Variants in MARCHF3 observed in about 807,000 individuals in gnomAD.
The protein encoded by MARCHF3 is E3 ubiquitin-protein ligase MARCHF3.
A neutral mutation model predicts 24.2 loss-of-function variants in MARCHF3; 13 were observed. That is an observed-to-expected ratio of 0.54 (90% CI 0.35 to 0.85). MARCHF3 has a LOEUF of 0.85. MARCHF3 is among the 40% of genes least tolerant of loss of function. The pLI is 0.01. For synonymous variants in MARCHF3, 144 were observed against 137.3 expected, an observed-to-expected ratio of 1.05 and a Z score of -0.34; for missense variants, 276 against 325.0, an observed-to-expected ratio of 0.85 and a Z score of 1.16.
intron 1 of MARCHF3, among the ~76,000 whole-genome samples, chr5:127,017,052 T>G (rs1266539772): frequency 1.3e-5 from 2 of 151,806 alleles, no homozygotes; most frequent in Non-Finnish European, 2.9e-5. Flanking sequence ...CTCTTAGGTG[T>G]GAATTGAACA....
chr5:126,932,753 G>A (rs531483582), intron 1 of MARCHF3, among the ~76,000 whole-genome samples: 4 of 152,294 alleles, frequency 2.6e-5, no homozygotes, highest in Non-Finnish European at 4.4e-5. Context: ...TGGGGAGCTA[G>A]GTGGGCCACT....
At chr5:126,920,617 G>A (rs889911015) in intron 1 of MARCHF3, among the ~76,000 whole-genome samples, 2 of 152,100 alleles carry the variant, frequency 1.3e-5, no homozygotes, top group Non-Finnish European at 2.9e-5. Flanking sequence ...ACTGGAAGAC[G>A]GTAAGGAGGG....
chr5:126,935,746 G>A (rs1749625818), intron 1 of MARCHF3, among the ~76,000 whole-genome samples: 1 of 151,458 alleles, frequency 6.6e-6, no homozygotes, highest in South Asian at 2.1e-4. Flanking sequence ...AAGTTGGTGG[G>A]ATTACAGGCG....
intron 1 of MARCHF3, among the ~76,000 whole-genome samples, chr5:126,991,781 C>T (rs1430762730): frequency 6.6e-6 from 1 of 152,054 alleles, no homozygotes; most frequent in Non-Finnish European, 1.5e-5. Context: ...TTTTCTTCCC[C>T]CCACTTCCAT....
chr5:126,936,577 G>C (rs1023066706), intron 1 of MARCHF3, among the ~76,000 whole-genome samples: 1 of 152,108 alleles, frequency 6.6e-6, no homozygotes, highest in Non-Finnish European at 1.5e-5. Flanking sequence ...TAGTGGTTCT[G>C]GGTAGCAAGT....
At chr5:127,009,397 A>G (rs1363142481) in intron 1 of MARCHF3, among the ~76,000 whole-genome samples, 4 of 152,248 alleles carry the variant, frequency 2.6e-5, no homozygotes, top group African/African-American at 9.6e-5. Flanking sequence ...GATTCCACCC[A>G]TATTCTCTAT....
At chr5:126,995,198 C>T (rs1662316282) in intron 1 of MARCHF3, among the ~76,000 whole-genome samples, 2 of 152,240 alleles carry the variant, frequency 1.3e-5, no homozygotes, top group African/African-American at 4.8e-5. Context: ...AACCACTACT[C>T]TTGGTCTGGT....
At position 126,949,575 on chromosome 5, in the gene MARCHF3, T is replaced by A. The variant is rs138543249; in HGVS notation, c.-56-31348A>T. On this transcript the variant is annotated intron_variant, in intron 1 of 4. Coordinates refer to ENST00000308660, the MANE Select transcript of MARCHF3 (RefSeq NM_178450.5). The stretch of plus-strand genomic sequence containing the variant: ...CTCTCTCCCTTCCAGCAACCCTTCA[T>A]CTGAGACCCAGCCCTTGACAAAGTG... Among the ~76,000 whole-genome samples, 143 of 152,260 alleles carry A rather than the reference T, an allele frequency of 9.4e-4. 1 individual carries two copies. The highest frequency in any genetic ancestry group is 3.2e-3 in the African/African-American group (134 of 41,560).
chr5:127,003,377 A>G (rs896928575), intron 1 of MARCHF3, among the ~76,000 whole-genome samples: 1 of 151,804 alleles, frequency 6.6e-6, no homozygotes, highest in Non-Finnish European at 1.5e-5. Context: ...CTGAGGCAGG[A>G]GAAAGGCGTG....
chr5:126,869,598 T>TTTTTTG lies in MARCHF3; in HGVS notation c.*1034_*1035insCAAAAA, dbSNP rs1752895138. ...TAGGACAGGCTTTTTTTTTTTTTTT[T>TTTTTTG]TTTTTTGCCACATCTACCTGTCAAG... On this transcript the variant is annotated 3_prime_UTR_variant, in exon 5 of 5. Coordinates refer to ENST00000308660, the MANE Select transcript of MARCHF3 (RefSeq NM_178450.5). 6.8e-6 allele frequency: 1 copy of TTTTTTG among 146,778 alleles called. No individual in the cohort carries two copies. Among genetic ancestry groups the TTTTTTG allele is most frequent in the African/African-American group, 2.5e-5 (1 of 39,464 alleles). The allele number at this position is 146,778 out of a possible 1,614,324, so 9.1% of individuals were successfully genotyped here.
rs558668407 is a variant in MARCHF3, at chr5:126,942,466, C to G, written c.-56-24239G>C. On this transcript the variant is annotated intron_variant, in intron 1 of 4. Coordinates refer to ENST00000308660, the MANE Select transcript of MARCHF3 (RefSeq NM_178450.5). Reference sequence around the variant, plus strand: ...TAAAAAAAAAATAAGAATGCAAAAACCACTCTTCTAGTTTGAAAAAGCAGA... The same window carrying G: ...TAAAAAAAAAATAAGAATGCAAAAAGCACTCTTCTAGTTTGAAAAAGCAGA... 6.6e-5 allele frequency among the ~76,000 whole-genome samples: 10 copies of G among 151,934 alleles called. No homozygotes were observed. In the South Asian group the frequency reaches 2.1e-3, roughly 32 times the overall value.
intron 1 of MARCHF3, among the ~76,000 whole-genome samples, chr5:127,002,346 T>C (rs1393338678): frequency 1.3e-5 from 2 of 152,216 alleles, no homozygotes; most frequent in African/African-American, 4.8e-5. Flanking sequence ...TCCTACCACT[T>C]AAGTCTGGCT....
At chr5:126,939,290 T>C (rs1210548371) in intron 1 of MARCHF3, among the ~76,000 whole-genome samples, 1 of 152,224 alleles carries the variant, frequency 6.6e-6, no homozygotes, top group African/African-American at 2.4e-5. Flanking sequence ...CCCCTCTTCA[T>C]GCCCTTTCAT....
At chr5:126,975,346 T>A (rs1751157210) in intron 1 of MARCHF3, among the ~76,000 whole-genome samples, 1 of 152,210 alleles carries the variant, frequency 6.6e-6, no homozygotes, top group African/African-American at 2.4e-5. Context: ...TTATTAAGTT[T>A]TCTTCTCTTT....
At chr5:127,021,247 T>C (rs1344988147) in intron 1 of MARCHF3, among the ~76,000 whole-genome samples, 1 of 152,146 alleles carries the variant, frequency 6.6e-6, no homozygotes, top group African/African-American at 2.4e-5. Context: ...AGTAGGATTA[T>C]TGCTTGGGGA....
intron 1 of MARCHF3, among the ~76,000 whole-genome samples, chr5:126,933,298 G>GC (rs1554066708): frequency 6.6e-6 from 1 of 152,126 alleles, no homozygotes; most frequent in Non-Finnish European, 1.5e-5. Context: ...TGATGATAGT[G>GC]CATATATACA....
chr5:126,974,742 A>C (rs1383648768), intron 1 of MARCHF3, among the ~76,000 whole-genome samples: 1 of 152,234 alleles, frequency 6.6e-6, no homozygotes, highest in Non-Finnish European at 1.5e-5. Context: ...ACAATAAGAA[A>C]GTACATCTCT....
intron 1 of MARCHF3, among the ~76,000 whole-genome samples, chr5:126,972,245 T>TAAAAAAAAAAA (rs747060453): frequency 3.4e-5 from 2 of 58,678 alleles, no homozygotes; most frequent in African/African-American, 1.1e-4. Context: ...ATTAAAGAAC[T>TAAAAAAAAAAA]AAAAAAAAAA....
intron 3 of MARCHF3, among the ~76,000 whole-genome samples, chr5:126,888,028 G>A (rs368365926): frequency 2.0e-5 from 3 of 152,184 alleles, no homozygotes; most frequent in East Asian, 3.8e-4. Context: ...CCACAGCTAC[G>A]TTCCTGTTTC....
Sources: allele counts gnomAD v4.1 joint callset (sites outside exome capture counted in the v4.1 genomes callset), GRCh38; gene constraint gnomAD v4.1.1; transcripts MANE v1.5; gene names NCBI Gene and HGNC (gene_info 2026-07-23, HGNC 2026-07-21).